NRXN1: variants seen among roughly 807,000 people sequenced by gnomAD.
The protein encoded by NRXN1 is neurexin 1.
In NRXN1, 39 loss-of-function variants were observed where a neutral mutation model predicts 150.9. That is an observed-to-expected ratio of 0.26 (90% CI 0.20 to 0.34). NRXN1 has a LOEUF of 0.34. Among genes scored for constraint, NRXN1 ranks in the 10% least tolerant of loss-of-function variants. The pLI, the probability that NRXN1 is intolerant of heterozygous loss-of-function variation, is 1.00. For synonymous variants in NRXN1, 924 were observed against 757.0 expected, an observed-to-expected ratio of 1.22 and a Z score of -3.62; for missense variants, 1,815 against 1,949.9, an observed-to-expected ratio of 0.93 and a Z score of 1.30.
At chr2:50,854,444 T>G (rs1255990542) in intron 5 of NRXN1, among the ~76,000 whole-genome samples, 1 of 152,108 alleles carries the variant, frequency 6.6e-6, no homozygotes, top group Admixed American at 6.6e-5. Flanking sequence ...TGTATTCATC[T>G]AGCTTTGCAC....
intron 19 of NRXN1, among the ~76,000 whole-genome samples, chr2:50,079,988 T>G (rs1024950234): frequency 6.6e-6 from 1 of 152,126 alleles, no homozygotes; most frequent in Non-Finnish European, 1.5e-5. Context: ...GTAAATGGCA[T>G]GCAATTTAAA....
At chr2:51,005,216 C>T (rs1433064470) in intron 2 of NRXN1, among the ~76,000 whole-genome samples, 1 of 151,788 alleles carries the variant, frequency 6.6e-6, no homozygotes, top group Non-Finnish European at 1.5e-5. Context: ...ATTAGTTTAC[C>T]TTTACCCTGA....
intron 2 of NRXN1, among the ~76,000 whole-genome samples, chr2:51,000,514 T>C (rs539811693): frequency 6.7e-6 from 1 of 150,022 alleles, no homozygotes; most frequent in South Asian, 2.1e-4. Context: ...TTGATTCTTA[T>C]ATGAAATTGC....
intron 17 of NRXN1, among the ~76,000 whole-genome samples, chr2:50,328,846 G>A (rs569633167): frequency 3.2e-4 from 49 of 152,156 alleles, no homozygotes; most frequent in Non-Finnish European, 6.0e-4. Context: ...ATGCTAGTAA[G>A]AGCCTCATGC....
At chr2:50,600,905 AT>A (rs1407854864) in intron 8 of NRXN1, among the ~76,000 whole-genome samples, 1 of 151,710 alleles carries the variant, frequency 6.6e-6, no homozygotes, top group Non-Finnish European at 1.5e-5. Flanking sequence ...AAAACTAGCA[AT>A]GGGAAAATGC....
chr2:50,531,532 G>A (rs2093112252), intron 10 of NRXN1, 102 bp from the exon 11 acceptor site: 6 of 839,834 alleles, frequency 7.1e-6, no homozygotes, highest in Non-Finnish European at 1.1e-5. Flanking sequence ...AAGACTTCCA[G>A]AACACAATAC....
chr2:50,300,284 A>G, intron 17 of NRXN1, among the ~76,000 whole-genome samples: 1 of 152,200 alleles, frequency 6.6e-6, no homozygotes, highest in African/African-American at 2.4e-5. Context: ...TGCCAGAGAT[A>G]TCTTAGTTAC....
chr2:50,059,363 G>A (rs1156317223), intron 19 of NRXN1, among the ~76,000 whole-genome samples: 1 of 152,200 alleles, frequency 6.6e-6, no homozygotes, highest in African/African-American at 2.4e-5. Context: ...GACGTGACTT[G>A]TGTGCTCTTA....
chr2:50,484,041 C>G (rs1377959205), intron 15 of NRXN1, among the ~76,000 whole-genome samples: 1 of 152,078 alleles, frequency 6.6e-6, no homozygotes, highest in South Asian at 2.1e-4. Flanking sequence ...TCCTATAATA[C>G]GTCTCTTTAA....
chr2:50,553,993 T>A (rs1026078611), intron 8 of NRXN1, among the ~76,000 whole-genome samples: 4 of 152,170 alleles, frequency 2.6e-5, no homozygotes, highest in African/African-American at 7.2e-5. Flanking sequence ...ATACAGTGGA[T>A]AATCACATTT....
chr2:50,593,140 C>T (rs761113473), intron 8 of NRXN1, among the ~76,000 whole-genome samples: 23 of 152,146 alleles, frequency 1.5e-4, no homozygotes, highest in African/African-American at 2.7e-4. Context: ...GATCTCTGAT[C>T]GTGTGTTATT....
chr2:50,599,548 CATA>C (rs1377491117), intron 8 of NRXN1, among the ~76,000 whole-genome samples: 1 of 152,076 alleles, frequency 6.6e-6, no homozygotes, highest in African/African-American at 2.4e-5. Context: ...TTTCCAAAGA[CATA>C]ATGAGTATTG....
In NRXN1 at chr2:50,039,455, G is replaced by T. The variant is rs556673546; in HGVS notation, c.4128+13816C>A. Among the ~76,000 whole-genome samples, 21 of 152,152 alleles carry T rather than the reference G, an allele frequency of 1.4e-4. No individual in the cohort carries two copies. In the South Asian group the frequency reaches 4.1e-3, roughly 30 times the overall value. On this transcript the variant is annotated intron_variant, in intron 21 of 22. Transcript: ENST00000401669. ...CACTGCAGCTTGGACAACAGAGTGAGACTTGGTCTCATAAGTAACTAAATA... is the reference window on the plus strand; with the variant it reads ...CACTGCAGCTTGGACAACAGAGTGATACTTGGTCTCATAAGTAACTAAATA...
chr2:51,009,904 T>C (rs1667585226), intron 2 of NRXN1, among the ~76,000 whole-genome samples: 2 of 152,008 alleles, frequency 1.3e-5, no homozygotes, highest in South Asian at 4.1e-4. Flanking sequence ...AGGAGAATTA[T>C]TCAATCTGAC....
At chr2:50,294,988 G>C (rs2073393947) in intron 17 of NRXN1, among the ~76,000 whole-genome samples, 1 of 152,176 alleles carries the variant, frequency 6.6e-6, no homozygotes, top group Non-Finnish European at 1.5e-5. Context: ...CCTGGCTATG[G>C]ACATGTAAGA....
At chr2:50,963,947 T>G (rs1374508668) in intron 2 of NRXN1, 1 of 437,770 alleles carries the variant, frequency 2.3e-6, no homozygotes, top group East Asian at 7.0e-5. Flanking sequence ...CCAGTTTAAT[T>G]TGAGCTCAAA....
rs534682343 is a variant in NRXN1 at position 50,783,383 on chromosome 2, T to C, written c.832+138486A>G. On this transcript the variant is annotated intron_variant, in intron 5 of 22. Transcript: ENST00000401669. ...ATTCTTGGTTACCTGGGGATCCTTC[T>C]GCTAATTTTGGAACATATTTGGCTT... Among the ~76,000 whole-genome samples, 8 of 152,238 alleles carry C rather than the reference T, an allele frequency of 5.3e-5. No individual in the cohort carries two copies. In the South Asian group the frequency reaches 1.5e-3, roughly 28 times the overall value.
At chr2:50,436,270 A>G (rs975305397) in intron 17 of NRXN1, among the ~76,000 whole-genome samples, 7 of 152,152 alleles carry the variant, frequency 4.6e-5, no homozygotes, top group Non-Finnish European at 1.0e-4. Context: ...CCTGACCAAC[A>G]TGGAAAAACC....
At chr2:50,380,687 A>T (rs1366760408) in intron 17 of NRXN1, among the ~76,000 whole-genome samples, 1 of 152,106 alleles carries the variant, frequency 6.6e-6, no homozygotes, top group Non-Finnish European at 1.5e-5. Flanking sequence ...GCACTCAATA[A>T]ATGATAGCAA....
Sources: allele counts gnomAD v4.1 joint callset (sites outside exome capture counted in the v4.1 genomes callset), GRCh38; gene constraint gnomAD v4.1.1; transcripts MANE v1.5; gene names NCBI Gene and HGNC (gene_info 2026-07-23, HGNC 2026-07-21).